Variants in CCSER2 observed in about 807,000 individuals in gnomAD.
CCSER2 encodes coiled-coil serine rich protein 2.
A neutral mutation model predicts 92.3 loss-of-function variants in CCSER2; 46 were observed. The ratio of observed to expected loss-of-function variants is 0.50; its 90% CI spans 0.39 to 0.64. CCSER2 has a LOEUF of 0.64. Ranked by LOEUF, CCSER2 falls within the 30% of genes least tolerant of loss-of-function variation. The pLI, the probability that CCSER2 is intolerant of heterozygous loss-of-function variation, is 0.00. For missense variants in CCSER2, 1,244 were observed against 1,238.9 expected (o/e 1.00, Z -0.06); for synonymous variants, 433 against 431.4 (o/e 1.00, Z -0.04).
chr10:84,374,910 G>A (rs866372819), intron 3 of CCSER2, among the ~76,000 whole-genome samples: 6 of 152,204 alleles, frequency 3.9e-5, no homozygotes, highest in South Asian at 2.1e-4. Context: ...CATTGTTAAC[G>A]GAGGCTTAAA....
chr10:84,481,248 T>C (rs1318596310), intron 9 of CCSER2, among the ~76,000 whole-genome samples: 1 of 152,226 alleles, frequency 6.6e-6, no homozygotes, highest in Non-Finnish European at 1.5e-5. Flanking sequence ...ATTTATGTTA[T>C]GACCATTCCT....
At chr10:84,477,705 C>A in intron 9 of CCSER2, 41 bp downstream of exon 9, 1 of 1,073,768 alleles carries the variant, frequency 9.3e-7, no homozygotes. Context: ...CAGTCATTTG[C>A]TATTTTGATG....
At chr10:84,357,726 A>G (rs1280225736) in intron 1 of CCSER2, among the ~76,000 whole-genome samples, 1 of 152,162 alleles carries the variant, frequency 6.6e-6, no homozygotes, top group Non-Finnish European at 1.5e-5. Context: ...TTGGGATTAC[A>G]GGCGTGAGCC....
rs1286381026 is a variant in CCSER2, at chr10:84,498,175, C to T, written c.2326-15274C>T. Among the ~76,000 whole-genome samples, 4 of 152,134 alleles carry T rather than the reference C, an allele frequency of 2.6e-5. No homozygotes were observed. The East Asian group carries it at 7.7e-4, about 29-fold the overall frequency. On this transcript the variant is annotated intron_variant, in intron 9 of 9. Transcript: ENST00000372088. ...CTGAAAGTTTCTTTACTTAGTAGTA[C>T]AGTGGGTAGAAGCTTGGTTCTGCAA...
At chr10:84,499,752 T>C (rs1361706660) in intron 9 of CCSER2, 11 of 797,372 alleles carry the variant, frequency 1.4e-5, no homozygotes, top group Non-Finnish European at 2.1e-5. Flanking sequence ...AAAAATGAAA[T>C]CTGTCTTCTC....
At chr10:84,423,162 T>C (rs984935625) in intron 4 of CCSER2, among the ~76,000 whole-genome samples, 8 of 152,244 alleles carry the variant, frequency 5.3e-5, no homozygotes, top group African/African-American at 1.9e-4. Flanking sequence ...TCAGGGAACC[T>C]TTAATCTTTT....
intron 1 of CCSER2, among the ~76,000 whole-genome samples, chr10:84,332,214 A>G (rs1485561185): frequency 2.6e-5 from 4 of 151,996 alleles, no homozygotes; most frequent in East Asian, 1.9e-4. Flanking sequence ...ATCATAGTCC[A>G]TAATAGACAA....
chr10:84,366,277 C>A (rs1379435536), intron 1 of CCSER2, among the ~76,000 whole-genome samples: 1 of 152,048 alleles, frequency 6.6e-6, no homozygotes, highest in Non-Finnish European at 1.5e-5. Context: ...CCCAAGGGAG[C>A]TATTACCAGT....
At chr10:84,336,500 A>G (rs1314451318) in intron 1 of CCSER2, among the ~76,000 whole-genome samples, 2 of 152,224 alleles carry the variant, frequency 1.3e-5, no homozygotes, top group African/African-American at 4.8e-5. Flanking sequence ...GAGATCTTGA[A>G]GAAAGAATGT....
chr10:84,390,947 C>G lies in CCSER2; in HGVS notation c.1614+17132C>G. 4 of 760,438 alleles carry G rather than the reference C, an allele frequency of 5.3e-6. 1 individual carries two copies. The South Asian group carries it at 5.4e-5, about 10-fold the overall frequency. The allele number at this position is 760,438 out of a possible 1,614,324, so 47.1% of individuals were successfully genotyped here. A position where few individuals can be genotyped will look rare whatever the true frequency, so the allele number is the denominator to read the frequency against. The stretch of plus-strand genomic sequence containing the variant: ...TGTACAGCACCTGTTACTCACTTTG[C>G]TTATATACTTGATACCCTGGTCTTT... On this transcript the variant is annotated intron_variant, in intron 3 of 9. Transcript: ENST00000372088.
In CCSER2 at chr10:84,442,754, A is replaced by T. The variant is rs140595154; in HGVS notation, c.2064+4047A>T. Among the ~76,000 whole-genome samples the T allele has an allele frequency of 6.2e-3, 942 of 152,358 alleles. 12 individuals are homozygous for T. Among genetic ancestry groups the T allele is most frequent in the African/African-American group, 0.022 (910 of 41,588 alleles). On this transcript the variant is annotated intron_variant, in intron 6 of 9. Transcript: ENST00000372088. ...ACTCCAAACTATATTACAAGGCTAC[A>T]GTAACCAAAACAGCATGGTGCTGGT...
chr10:84,467,336 A>G (rs1291429121), intron 7 of CCSER2, among the ~76,000 whole-genome samples: 1 of 152,156 alleles, frequency 6.6e-6, no homozygotes, highest in Non-Finnish European at 1.5e-5. Flanking sequence ...TATGACATAT[A>G]TGGCTAACAT....
chr10:84,343,578 T>A (rs1844320324), intron 1 of CCSER2, among the ~76,000 whole-genome samples: 1 of 152,236 alleles, frequency 6.6e-6, no homozygotes, highest in African/African-American at 2.4e-5. Context: ...ATGGACTGAT[T>A]ATTCTGTATC....
At chr10:84,396,057 C>T (rs1056874012) in intron 3 of CCSER2, among the ~76,000 whole-genome samples, 4 of 152,090 alleles carry the variant, frequency 2.6e-5, no homozygotes, top group Admixed American at 6.5e-5. Flanking sequence ...AGAGCTCACA[C>T]GGATACCTTT....
chr10:84,360,317 T>A (rs1259222758), intron 1 of CCSER2, among the ~76,000 whole-genome samples: 1 of 152,246 alleles, frequency 6.6e-6, no homozygotes, highest in Non-Finnish European at 1.5e-5. Flanking sequence ...TATCTTTTTT[T>A]CTGTATTTAT....
rs1175066182 is a variant in CCSER2, at chr10:84,426,840, G to A, written c.1868+947G>A. On this transcript the variant is annotated intron_variant, in intron 5 of 9. Transcript: ENST00000372088. ...ATACAGTACGCATAAGATAAAGGAT[G>A]TGTTTTTTTCCTGAATTAATTTGTC... 2.0e-5 allele frequency among the ~76,000 whole-genome samples: 3 copies of A among 152,148 alleles called. No individual in the cohort carries two copies. In the East Asian group the frequency reaches 5.8e-4, roughly 29 times the overall value.
In CCSER2 at chr10:84,500,620, T is replaced by C. The variant is rs1226046407; in HGVS notation, c.2326-12829T>C. ...AATTTTTGTTTATGTTAAATCTCTT[T>C]TCCAAAACAGTGTGGGTTATTTTGT... On this transcript the variant is annotated intron_variant, in intron 9 of 9. Coordinates refer to ENST00000372088, the MANE Select transcript of CCSER2 (RefSeq NM_001284240.2). Among the ~76,000 whole-genome samples, 4 of 152,346 alleles carry C rather than the reference T, an allele frequency of 2.6e-5. No individual in the cohort carries two copies. The East Asian group carries it at 5.8e-4, about 22-fold the overall frequency.
At chr10:84,457,127 G>A (rs1331663055) in intron 6 of CCSER2, among the ~76,000 whole-genome samples, 4 of 143,556 alleles carry the variant, frequency 2.8e-5, no homozygotes, top group East Asian at 2.0e-4. Context: ...CTTTAAAAAG[G>A]CTTTCTATGA....
chr10:84,404,341 T>C (rs1467970034), intron 3 of CCSER2, among the ~76,000 whole-genome samples: 1 of 152,226 alleles, frequency 6.6e-6, no homozygotes, highest in East Asian at 1.9e-4. Flanking sequence ...ACTAACAAAG[T>C]TGTTTAAGGA....
Sources: gnomAD v4.1 joint callset for allele counts (sites outside exome capture counted in the v4.1 genomes callset) on GRCh38, gnomAD v4.1.1 for gene constraint, MANE v1.5 for transcripts, NCBI Gene and HGNC (gene_info 2026-07-23, HGNC 2026-07-21) for gene names.